OOEP: variants seen among roughly 807,000 people sequenced by gnomAD.
OOEP encodes the protein oocyte-expressed protein homolog.
A neutral mutation model predicts 13.7 loss-of-function variants in OOEP; 16 were observed. That is an observed-to-expected ratio of 1.16 (90% CI 0.79 to 1.77). The LOEUF (loss-of-function observed/expected upper bound fraction) is 1.77, where lower values mean the gene tolerates loss of function less well. Among genes scored for constraint, OOEP ranks in the 40% most tolerant of loss-of-function variants. The probability of loss-of-function intolerance (pLI) is 0.00; values close to 1 mark genes in which losing one functional copy is unlikely to be tolerated. For synonymous variants in OOEP, 89 were observed against 77.1 expected, an observed-to-expected ratio of 1.15 and a Z score of -0.81; for missense variants, 195 against 193.1, an observed-to-expected ratio of 1.01 and a Z score of -0.06.
chr6:73,376,877 C>T (rs1270393859), intron 2 of OOEP, among the ~76,000 whole-genome samples: 1 of 152,184 alleles, frequency 6.6e-6, no homozygotes, highest in Non-Finnish European at 1.5e-5. Context: ...GTCTCGAACT[C>T]CTGACCTCAG....
chr6:73,394,316 G>A (rs1419158483), intron 2 of OOEP: 1 of 714,974 alleles, frequency 1.4e-6, no homozygotes, highest in Non-Finnish European at 2.6e-6. Context: ...TTTTATGTGT[G>A]GATTGGGTCA....
rs116886394 is a variant in OOEP, at chr6:73,388,166, C to G, written c.25+6180G>C. 1.2e-4 allele frequency among the ~76,000 whole-genome samples: 18 copies of G among 152,216 alleles called. No individual in the cohort carries two copies. The East Asian group carries it at 3.5e-3, about 29-fold the overall frequency. The stretch of plus-strand genomic sequence containing the variant: ...TGCTGGGATTACAGGCGTGAGACAC[C>G]GCACTGGGCCTGACAACAATGGAAT... On this transcript the variant is annotated intron_variant, in intron 2 of 3. Coordinates refer to the OOEP transcript ENST00000370363.
intron 2 of OOEP, among the ~76,000 whole-genome samples, chr6:73,382,214 ATTTTTTTTTT>A (rs70994196): frequency 3.1e-5 from 3 of 98,086 alleles, no homozygotes; most frequent in African/African-American, 4.1e-5. Flanking sequence ...CACCTGGCTA[ATTTTTTTTTT>A]TTTTTTTTTT....
chr6:73,374,414 C>T (rs1415863794), upstream of OOEP, among the ~76,000 whole-genome samples: 1 of 152,156 alleles, frequency 6.6e-6, no homozygotes, highest in Non-Finnish European at 1.5e-5. Context: ...TCTACAGGAC[C>T]AAAACTTGAA....
intron 2 of OOEP, among the ~76,000 whole-genome samples, chr6:73,390,387 T>G (rs1769330644): frequency 6.6e-6 from 1 of 152,176 alleles, no homozygotes; most frequent in African/African-American, 2.4e-5. Context: ...AGATACTTAA[T>G]ACCAGGGTTG....
At chr6:73,373,537 A>G (rs572316085), upstream of OOEP, among the ~76,000 whole-genome samples, 1 of 152,092 alleles carries the variant, frequency 6.6e-6, no homozygotes, top group South Asian at 2.1e-4. Flanking sequence ...GACTACAGGC[A>G]TGAGCCACTG....
At chr6:73,380,404 C>T (rs1341216908) in intron 2 of OOEP, among the ~76,000 whole-genome samples, 1 of 151,992 alleles carries the variant, frequency 6.6e-6, no homozygotes, top group Non-Finnish European at 1.5e-5. Flanking sequence ...AATAACAATG[C>T]TAATGAGTGT....
chr6:73,394,278 C>T, intron 2 of OOEP: 2 of 711,020 alleles, frequency 2.8e-6, no homozygotes, highest in Middle Eastern at 2.7e-4. Context: ...AGGATAAATG[C>T]TGTTTTGTCA....
At chr6:73,383,699 T>C (rs994321307) in intron 2 of OOEP, among the ~76,000 whole-genome samples, 1 of 152,072 alleles carries the variant, frequency 6.6e-6, no homozygotes, top group African/African-American at 2.4e-5. Context: ...GTAAAAATTA[T>C]GTAGAAAATA....
At chr6:73,385,732 C>T (rs2150782615) in intron 2 of OOEP, among the ~76,000 whole-genome samples, 1 of 151,958 alleles carries the variant, frequency 6.6e-6, no homozygotes, top group South Asian at 2.1e-4. Flanking sequence ...GGATTATAGG[C>T]GCCTGCCACC....
intron 2 of OOEP, among the ~76,000 whole-genome samples, chr6:73,392,133 A>C (rs535273594): frequency 1.3e-5 from 2 of 152,362 alleles, no homozygotes; most frequent in East Asian, 3.9e-4. Context: ...AGTCAAAGAC[A>C]TTACAAGAAA....
At chr6:73,394,915 C>T (rs1314037211) in exon 1 of OOEP, 3 of 1,614,052 alleles carry the variant, frequency 1.9e-6, no homozygotes, top group Non-Finnish European at 8.5e-7. Flanking sequence ...AATGTCCCAC[C>T]ACGGAGGAGC....
At chr6:73,372,944 C>G (rs879077327), upstream of OOEP, among the ~76,000 whole-genome samples, 6 of 146,142 alleles carry the variant, frequency 4.1e-5, no homozygotes, top group African/African-American at 1.5e-4. Context: ...CGAAAGGCCT[C>G]ACATATTTAT....
At chr6:73,389,449 C>A (rs1345211244) in intron 2 of OOEP, among the ~76,000 whole-genome samples, 1 of 152,026 alleles carries the variant, frequency 6.6e-6, no homozygotes, top group Admixed American at 6.6e-5. Flanking sequence ...CTTGAAAGGC[C>A]CGCAGGCATA....
At chr6:73,371,759 A>AT (rs201553156), upstream of OOEP, among the ~76,000 whole-genome samples, 120 of 151,562 alleles carry the variant, frequency 7.9e-4, no homozygotes, top group African/African-American at 2.7e-3. Context: ...TCAAAAATAA[A>AT]AAAAAATAAA....
intron 2 of OOEP, among the ~76,000 whole-genome samples, chr6:73,380,249 T>TG (rs1167304705): frequency 2.0e-5 from 3 of 148,566 alleles, no homozygotes; most frequent in African/African-American, 7.4e-5. Context: ...CAAAATTCTT[T>TG]TTTTTTTTTT....
chr6:73,371,817 A>G (rs1412015228), upstream of OOEP, among the ~76,000 whole-genome samples: 1 of 152,050 alleles, frequency 6.6e-6, no homozygotes, highest in Non-Finnish European at 1.5e-5. Flanking sequence ...AATCCCAGCT[A>G]CTCGAAAGGA....
rs1769010613 is a variant in OOEP at position 73,369,517 on chromosome 6, T to C, written c.190+86A>G. 45 of 1,520,118 alleles carry C rather than the reference T, an allele frequency of 3.0e-5. No individual in the cohort carries two copies. In the South Asian group the frequency reaches 5.2e-4, roughly 18 times the overall value. The allele number at this position is 1,520,118 out of a possible 1,614,324, so 94.2% of individuals were successfully genotyped here. On this transcript the variant is annotated intron_variant, in intron 1 of 2. Transcript: ENST00000370359. The stretch of plus-strand genomic sequence containing the variant: ...CTGCAACACTCCTGGCTTGCGAATC[T>C]GGGAAAGAGACTGTAGAGAGCTGCT...
At chr6:73,384,082 T>C (rs1477473078) in intron 2 of OOEP, among the ~76,000 whole-genome samples, 2 of 151,934 alleles carry the variant, frequency 1.3e-5, no homozygotes, top group Admixed American at 1.3e-4. Context: ...GGCAACAGAG[T>C]GAGACCCTGT....
Sources: gnomAD v4.1 joint callset for allele counts (sites outside exome capture counted in the v4.1 genomes callset) on GRCh38, gnomAD v4.1.1 for gene constraint, MANE v1.5 for transcripts, NCBI Gene and HGNC (gene_info 2026-07-23, HGNC 2026-07-21) for gene names.